The following GPC6 variants were observed in gnomAD, a reference collection of about 807,000 sequenced individuals.
The protein encoded by GPC6 is glypican 6, also known as glypican-6.
GPC6 carries 14 observed loss-of-function variants against 55.2 expected under a neutral mutation model. That is an observed-to-expected ratio of 0.25 (90% CI 0.17 to 0.40). GPC6 has a LOEUF of 0.40. Among genes scored for constraint, GPC6 ranks in the 10% least tolerant of loss-of-function variants. GPC6 has a pLI of 1.00. For synonymous variants in GPC6, 278 were observed against 259.6 expected, an observed-to-expected ratio of 1.07 and a Z score of -0.68; for missense variants, 641 against 708.5, an observed-to-expected ratio of 0.90 and a Z score of 1.08.
chr13:94,345,413 T>C (rs763390362), intron 6 of GPC6, among the ~76,000 whole-genome samples: 10 of 152,334 alleles, frequency 6.6e-5, no homozygotes, highest in South Asian at 4.1e-4. Context: ...GCAAGCTCCC[T>C]CTGAGTACTT....
intron 2 of GPC6, among the ~76,000 whole-genome samples, chr13:93,610,318 G>T (rs1182434548): frequency 6.6e-6 from 1 of 152,140 alleles, no homozygotes; most frequent in African/African-American, 2.4e-5. Context: ...GATATTTCTA[G>T]CATTTTTTGC....
chr13:93,846,434 C>T (rs750659823), intron 3 of GPC6, among the ~76,000 whole-genome samples: 1 of 152,176 alleles, frequency 6.6e-6, no homozygotes, highest in Admixed American at 6.5e-5. Context: ...AATTTTTGGT[C>T]TCTAAATACA....
intron 1 of GPC6, among the ~76,000 whole-genome samples, chr13:93,330,792 T>C (rs535515812): frequency 6.6e-6 from 1 of 152,320 alleles, no homozygotes; most frequent in Non-Finnish European, 1.5e-5. Flanking sequence ...CTGGCTTCTT[T>C]CTTTCAACAT....
chr13:93,405,484 A>G (rs1375153783), intron 1 of GPC6, among the ~76,000 whole-genome samples: 1 of 152,182 alleles, frequency 6.6e-6, no homozygotes, highest in African/African-American at 2.4e-5. Flanking sequence ...TTGAAGTGGT[A>G]AAAAGTCATT....
intron 1 of GPC6, among the ~76,000 whole-genome samples, chr13:93,417,104 G>T (rs1289692110): frequency 2.0e-5 from 3 of 152,070 alleles, no homozygotes; most frequent in Non-Finnish European, 4.4e-5. Flanking sequence ...TATGTTTTAG[G>T]ATGTACTGTG....
At chr13:93,311,670 C>G (rs549331824) in intron 1 of GPC6, among the ~76,000 whole-genome samples, 2 of 152,282 alleles carry the variant, frequency 1.3e-5, no homozygotes, top group East Asian at 3.9e-4. Context: ...GACATAGATT[C>G]TTTGTAAACA....
rs66475646 is a variant in GPC6 at position 93,691,479 on chromosome 13, GT to G, written c.320-138664del. 9.1e-3 allele frequency among the ~76,000 whole-genome samples: 1,347 copies of G among 147,898 alleles called. 35 individuals carry two copies. The highest frequency in any genetic ancestry group is 0.031 in the African/African-American group (1,261 of 40,520). ...TCTGTAGGATTAAAGGCTTGCCATGGTTTTTTTTTTTCTCTTATCACATTGA... is the reference window on the plus strand; with the variant it reads ...TCTGTAGGATTAAAGGCTTGCCATGGTTTTTTTTTTCTCTTATCACATTGA... On this transcript the variant is annotated intron_variant, in intron 2 of 8. Coordinates refer to ENST00000377047, the MANE Select transcript of GPC6 (RefSeq NM_005708.5).
intron 2 of GPC6, among the ~76,000 whole-genome samples, chr13:93,562,674 C>T (rs1875874643): frequency 6.6e-6 from 1 of 152,124 alleles, no homozygotes; most frequent in Non-Finnish European, 1.5e-5. Flanking sequence ...GTTCATTTCT[C>T]AGAAGAAAAT....
intron 4 of GPC6, among the ~76,000 whole-genome samples, chr13:94,093,814 T>TG (rs1885576577): frequency 6.6e-6 from 1 of 152,078 alleles, no homozygotes; most frequent in Non-Finnish European, 1.5e-5. Context: ...AGTTGTAAAG[T>TG]GAAACCATCT....
intron 6 of GPC6, among the ~76,000 whole-genome samples, chr13:94,342,152 C>T (rs932098794): frequency 6.6e-6 from 1 of 152,192 alleles, no homozygotes; most frequent in Admixed American, 6.5e-5. Flanking sequence ...TGAAGAACTA[C>T]TATTTATTTC....
chr13:93,484,417 A>G (rs1879629214), intron 1 of GPC6, among the ~76,000 whole-genome samples: 1 of 152,180 alleles, frequency 6.6e-6, no homozygotes, highest in East Asian at 1.9e-4. Context: ...TCAATTTGAC[A>G]AAAGGCTGTA....
At chr13:93,365,346 TC>T (rs1393081149) in intron 1 of GPC6, among the ~76,000 whole-genome samples, 1 of 152,082 alleles carries the variant, frequency 6.6e-6, no homozygotes, top group East Asian at 1.9e-4. Flanking sequence ...ATTTGGTAGG[TC>T]CTGTATAAGA....
At chr13:94,136,398 C>T (rs1887186715) in intron 4 of GPC6, among the ~76,000 whole-genome samples, 1 of 152,116 alleles carries the variant, frequency 6.6e-6, no homozygotes, top group African/African-American at 2.4e-5. Context: ...TATGAAGGAC[C>T]TTGAATGCTG....
At chr13:93,558,939 GT>G (rs1875617227) in intron 2 of GPC6, among the ~76,000 whole-genome samples, 1 of 152,110 alleles carries the variant, frequency 6.6e-6, no homozygotes, top group Admixed American at 6.5e-5. Context: ...ACTGAGTTAG[GT>G]TTTTATATGG....
chr13:94,161,018 C>A (rs376121484), intron 4 of GPC6, among the ~76,000 whole-genome samples: 12 of 152,310 alleles, frequency 7.9e-5, no homozygotes, highest in African/African-American at 2.9e-4. Flanking sequence ...TGCCTGCCCC[C>A]ACAGAGCTGT....
intron 4 of GPC6, among the ~76,000 whole-genome samples, chr13:94,178,286 C>T (rs1476602030): frequency 6.6e-6 from 1 of 152,102 alleles, no homozygotes; most frequent in Non-Finnish European, 1.5e-5. Context: ...CATGAGCCAT[C>T]GCACCCGGCT....
chr13:93,840,046 C>T (rs1887891549), intron 3 of GPC6, among the ~76,000 whole-genome samples: 1 of 152,006 alleles, frequency 6.6e-6, no homozygotes, highest in Admixed American at 6.6e-5. Flanking sequence ...GGATTGGTGC[C>T]AATTCTTCTT....
chr13:93,898,940 A>AATATATATATATATATATATATATAT (rs66531953), intron 3 of GPC6, among the ~76,000 whole-genome samples: 2 of 136,646 alleles, frequency 1.5e-5, no homozygotes, highest in African/African-American at 5.4e-5. Context: ...ATTATATATA[A>AATATATATATATATATATATATATAT]ATATATATAT....
At chr13:93,928,002 C>T (rs896701218) in intron 3 of GPC6, among the ~76,000 whole-genome samples, 1 of 151,246 alleles carries the variant, frequency 6.6e-6, no homozygotes. Flanking sequence ...ATTTTTTTTG[C>T]TTAATAAAAT....
Sources: gnomAD v4.1 joint callset for allele counts (sites outside exome capture counted in the v4.1 genomes callset) on GRCh38, gnomAD v4.1.1 for gene constraint, MANE v1.5 for transcripts, NCBI Gene and HGNC (gene_info 2026-07-23, HGNC 2026-07-21) for gene names.